The following KSR2 variants were observed in gnomAD, a reference collection of about 807,000 sequenced individuals.
The protein encoded by KSR2 is kinase suppressor of ras 2.
In KSR2, 25 loss-of-function variants were observed where a neutral mutation model predicts 107.8. The ratio of observed to expected loss-of-function variants is 0.23; its 90% CI spans 0.17 to 0.32. The LOEUF (loss-of-function observed/expected upper bound fraction) is 0.32, where lower values mean the gene tolerates loss of function less well. Among genes scored for constraint, KSR2 ranks in the 10% least tolerant of loss-of-function variants. The pLI, the probability that KSR2 is intolerant of heterozygous loss-of-function variation, is 1.00. For synonymous variants in KSR2, 480 were observed against 507.0 expected (o/e 0.95, Z 0.71); for missense variants, 887 against 1,268.9 (o/e 0.70, Z 4.57).
In KSR2 at chr12:117,906,353, C is replaced by CAA. The variant is rs57733205; in HGVS notation, c.181-45924_181-45923dup. Reference sequence around the variant, plus strand: ...GGGTGACAAGAGCAAAACTCTGTCTCAAAAAAAAAAAAAAAAAAAAAAACT... The same window carrying CAA: ...GGGTGACAAGAGCAAAACTCTGTCTCAAAAAAAAAAAAAAAAAAAAAAAAACT... On this transcript the variant is annotated intron_variant, in intron 1 of 19. Transcript: ENST00000339824. Among the ~76,000 whole-genome samples, 376 of 57,620 alleles carry CAA rather than the reference C, an allele frequency of 6.5e-3. 3 individuals carry two copies. The highest frequency in any genetic ancestry group is 0.026 in the South Asian group (38 of 1,470). 37.8% of individuals were successfully genotyped at this position (57,620 alleles called of 152,430 possible).
At chr12:117,636,962 GA>G (rs1342981903) in intron 5 of KSR2, among the ~76,000 whole-genome samples, 6 of 152,030 alleles carry the variant, frequency 3.9e-5, no homozygotes, top group African/African-American at 1.4e-4. Context: ...TAAAAAAAAA[GA>G]GAGGTAATTT....
chr12:117,826,030 G>GATGGATGGATGGATGA (rs1891737053), intron 3 of KSR2, among the ~76,000 whole-genome samples: 1 of 151,836 alleles, frequency 6.6e-6, no homozygotes, highest in Non-Finnish European at 1.5e-5. Context: ...TGGAGGGATG[G>GATGGATGGATGGATGA]ATGGATGGAT....
At chr12:117,967,415 G>C (rs1375831646) in intron 1 of KSR2, among the ~76,000 whole-genome samples, 2 of 151,532 alleles carry the variant, frequency 1.3e-5, no homozygotes, top group African/African-American at 4.8e-5. Flanking sequence ...TTTCCCTTTT[G>C]TACGTTTTAG....
At chr12:117,811,508 C>T (rs1378811248) in intron 3 of KSR2, among the ~76,000 whole-genome samples, 1 of 152,214 alleles carries the variant, frequency 6.6e-6, no homozygotes, top group Non-Finnish European at 1.5e-5. Context: ...TGTGTTTTCA[C>T]CAGCCCTCTA....
chr12:117,822,467 C>T (rs537765289), intron 3 of KSR2, among the ~76,000 whole-genome samples: 1 of 152,226 alleles, frequency 6.6e-6, no homozygotes, highest in African/African-American at 2.4e-5. Flanking sequence ...AAAAACAAAT[C>T]ATAAGTTGAA....
At chr12:117,941,613 CTTTTTTTTTTTTTTTT>C (rs139487553) in intron 1 of KSR2, among the ~76,000 whole-genome samples, 1 of 52,926 alleles carries the variant, frequency 1.9e-5, no homozygotes. Flanking sequence ...ACAGGCTTTC[CTTTTTTTTTTTTTTTT>C]TTTTTTTTTT....
intron 4 of KSR2, among the ~76,000 whole-genome samples, chr12:117,706,665 T>C (rs1241634753): frequency 2.6e-5 from 4 of 152,096 alleles, no homozygotes; most frequent in Non-Finnish European, 5.9e-5. Context: ...TAAAACTGGA[T>C]TAAGACAAAG....
chr12:117,535,346 T>A (rs1329668298), intron 10 of KSR2, among the ~76,000 whole-genome samples: 2 of 152,192 alleles, frequency 1.3e-5, no homozygotes, highest in Admixed American at 6.5e-5. Context: ...GAAGACACAT[T>A]GCCTAGTCTC....
chr12:117,868,124 A>G (rs2137273971), intron 1 of KSR2, among the ~76,000 whole-genome samples: 1 of 152,330 alleles, frequency 6.6e-6, no homozygotes, highest in East Asian at 1.9e-4. Flanking sequence ...AGTAAATGAA[A>G]TAAATATAAC....
At chr12:117,608,347 T>C (rs190159808) in intron 5 of KSR2, among the ~76,000 whole-genome samples, 7 of 152,278 alleles carry the variant, frequency 4.6e-5, no homozygotes, top group African/African-American at 1.7e-4. Context: ...AACAAAGAAA[T>C]GTGCAAACAA....
intron 4 of KSR2, among the ~76,000 whole-genome samples, chr12:117,729,210 G>A (rs1158948144): frequency 2.0e-5 from 3 of 151,864 alleles, no homozygotes; most frequent in Non-Finnish European, 4.4e-5. Context: ...TAACATTGAG[G>A]GTGATGCTGC....
chr12:117,518,748 C>T (rs78793928), intron 14 of KSR2, among the ~76,000 whole-genome samples: 1,637 of 152,328 alleles, frequency 0.011, 28 homozygotes, highest in African/African-American at 0.038. Context: ...GCTCCTCAAA[C>T]GTACCAATCT....
At chr12:117,908,316 C>A (rs1393719486) in intron 1 of KSR2, among the ~76,000 whole-genome samples, 1 of 150,756 alleles carries the variant, frequency 6.6e-6, no homozygotes, top group Non-Finnish European at 1.5e-5. Flanking sequence ...TTCTGGATTA[C>A]ATTGTAGAAC....
intron 4 of KSR2, among the ~76,000 whole-genome samples, chr12:117,691,903 A>T (rs1238609939): frequency 1.3e-5 from 2 of 152,204 alleles, no homozygotes; most frequent in African/African-American, 4.8e-5. Context: ...GTGATAGAGG[A>T]TTCCCCATTT....
intron 4 of KSR2, among the ~76,000 whole-genome samples, chr12:117,727,478 AAGG>A (rs1025485749): frequency 1.5e-5 from 2 of 135,844 alleles, no homozygotes; most frequent in East Asian, 2.1e-4. Context: ...GAGAAAGAAG[AAGG>A]AGGAGGAAGA....
intron 4 of KSR2, among the ~76,000 whole-genome samples, chr12:117,687,702 T>C (rs1251726022): frequency 6.6e-6 from 1 of 152,124 alleles, no homozygotes; most frequent in African/African-American, 2.4e-5. Context: ...GTGCACAACC[T>C]TATTGGGGGT....
intron 5 of KSR2, among the ~76,000 whole-genome samples, chr12:117,618,214 T>A (rs1347064974): frequency 6.6e-6 from 1 of 152,178 alleles, no homozygotes; most frequent in Non-Finnish European, 1.5e-5. Flanking sequence ...TGAGCAGATT[T>A]GATACTGGAC....
rs529581160 is a variant in KSR2 at position 117,615,805 on chromosome 12, T to C, written c.1172-33446A>G. ...TGCTCCAAAATCCCTGACCCATAGA[T>C]GCTGTGGGATAATAAATGTGTATTG... On this transcript the variant is annotated intron_variant, in intron 5 of 19. Transcript: ENST00000339824. Among the ~76,000 whole-genome samples, 7 of 152,256 alleles carry C rather than the reference T, an allele frequency of 4.6e-5. No individual in the cohort carries two copies. The East Asian group carries it at 1.4e-3, about 29-fold the overall frequency.
intron 3 of KSR2, among the ~76,000 whole-genome samples, chr12:117,832,114 G>A (rs150148916): frequency 2.6e-5 from 4 of 152,222 alleles, no homozygotes; most frequent in East Asian, 1.9e-4. Context: ...GTGAAACCCC[G>A]TCTCTACTAA....
Sources: allele counts gnomAD v4.1 joint callset (sites outside exome capture counted in the v4.1 genomes callset), GRCh38; gene constraint gnomAD v4.1.1; transcripts MANE v1.5; gene names NCBI Gene and HGNC (gene_info 2026-07-23, HGNC 2026-07-21).